ARL10: variants seen among roughly 807,000 people sequenced by gnomAD.
The protein encoded by ARL10 is ARF like GTPase 10.
A neutral mutation model predicts 26.1 loss-of-function variants in ARL10; 23 were observed. That is an observed-to-expected ratio of 0.88 (90% CI 0.63 to 1.25). The LOEUF is 1.25. Ranked by LOEUF, ARL10 falls within the 50% of genes most tolerant of loss-of-function variation. The pLI is 0.00. For missense variants in ARL10, 300 were observed against 323.6 expected (o/e 0.93, Z 0.56); for synonymous variants, 138 against 149.1 (o/e 0.93, Z 0.54).
downstream of ARL10, among the ~76,000 whole-genome samples, chr5:176,390,935 ATG>A (rs1561788408): frequency 1.3e-5 from 2 of 152,340 alleles, no homozygotes; most frequent in African/African-American, 4.8e-5. Flanking sequence ...TTCCTCCTTC[ATG>A]TAGTTTCAAA....
downstream of ARL10, chr5:176,384,814 G>A (rs1382120980): frequency 9.7e-6 from 4 of 410,818 alleles, no homozygotes; most frequent in East Asian, 8.1e-5. Flanking sequence ...GGCCAGGGAG[G>A]AGCTGGGGCC....
At chr5:176,371,417 G>C (rs1768537540) in intron 3 of ARL10, among the ~76,000 whole-genome samples, 1 of 152,176 alleles carries the variant, frequency 6.6e-6, no homozygotes, top group Admixed American at 6.5e-5. Flanking sequence ...AAAAGAGGTT[G>C]GTACAAAGGA....
rs1319274168 is a variant in ARL10, at chr5:176,393,884, T to C, written c.134-7857T>C. Among the ~76,000 whole-genome samples the C allele has an allele frequency of 6.6e-6, 1 of 152,154 alleles. No homozygotes were observed. The highest frequency in any genetic ancestry group is 1.5e-5 in the Non-Finnish European group (1 of 68,022). ...TGAGGAGAGCTGGGTCTATGTCCTG[T>C]TTGGCCAGCGAGGGTCGCTCACAAG... On this transcript the variant is annotated intron_variant, in intron 1 of 1. Transcript: ENST00000514533. This position sits in a 1 kb window ranked among gnomAD's most constrained non-coding sequence, Gnocchi z 4.4.
At chr5:176,369,161 C>T (rs1419482592) in intron 3 of ARL10, 179 bp downstream of exon 3, 1 of 1,534,240 alleles carries the variant, frequency 6.5e-7, no homozygotes, top group Non-Finnish European at 8.7e-7. Flanking sequence ...CTTTGCCTCC[C>T]TATCATCTCG....
the ARL10 span, among the ~76,000 whole-genome samples, chr5:176,412,613 C>T: frequency 6.6e-6 from 1 of 152,312 alleles, no homozygotes. Flanking sequence ...CTGTGAGCAG[C>T]GACAGTGTGT....
At position 176,371,810 on chromosome 5, in the gene ARL10, C is replaced by T; in HGVS notation, c.650C>T (p.Ala217Val). Residue 217 changes from alanine (A) to valine (V), a missense_variant, in exon 4 of 4, where the codon GCA (alanine) becomes GTA (valine). Physicochemically the swap from Ala to Val is moderately conservative, Grantham distance 64. Coordinates refer to ENST00000310389, the MANE Select transcript of ARL10 (RefSeq NM_173664.6). ...AACCAGCGGGAGGTTTTCCTCTTGG[C>T]AGCCAGCATTGCCCCTGCAGGACCC... is the stretch of plus-strand genomic sequence containing the variant. ...IDNQREVFLL[A>V]ASIAPAGPTF... The T allele has an allele frequency of 4.3e-6, 7 of 1,614,208 alleles. No individual in the cohort carries two copies. The highest frequency in any genetic ancestry group is 5.9e-6 in the Non-Finnish European group (7 of 1,180,038).
the ARL10 span, among the ~76,000 whole-genome samples, chr5:176,409,867 T>G: frequency 6.6e-6 from 1 of 152,202 alleles, no homozygotes; most frequent in Admixed American, 6.5e-5. Flanking sequence ...TTGGGAAAAT[T>G]CTGGAAGTGG....
In ARL10 at chr5:176,365,721, G is replaced by A; in HGVS notation, c.158G>A (p.Arg53His). Residue 53 changes from arginine to histidine, a missense_variant, in exon 1 of 4, where the codon CGC becomes CAC. Transcript: ENST00000310389. ...GCCTGGTGGGGCGCGGAGGCTGCCC[G>A]CCTCCCCGAGTGGGACGAGTGGGAC... Reference protein sequence around the residue: ...GEAWWGAEAARLPEWDEWDPE... With the variant: ...GEAWWGAEAAHLPEWDEWDPE... 8.1e-7 allele frequency: 1 copy of A among 1,238,328 alleles called. No homozygotes were observed. The highest frequency in any genetic ancestry group is 1.0e-6 in the Non-Finnish European group (1 of 989,778). The allele number at this position is 1,238,328 out of a possible 1,614,324, so 76.7% of individuals were successfully genotyped here.
chr5:176,394,625 T>G (rs13169024), intron 1 of ARL10, among the ~76,000 whole-genome samples: 2 of 150,702 alleles, frequency 1.3e-5, no homozygotes, highest in Admixed American at 6.6e-5. Flanking sequence ...GCATCCTGGC[T>G]AACACGGTGA....
downstream of ARL10, chr5:176,385,879 AC>A: frequency 6.5e-6 from 1 of 152,936 alleles, no homozygotes; most frequent in Non-Finnish European, 1.5e-5. Flanking sequence ...TTTAAAATAG[AC>A]AGGCAAATCC....
chr5:176,405,480 CCTGT>C (rs1757054871), downstream of ARL10: 1 of 143,002 alleles, frequency 7.0e-6, no homozygotes, highest in African/African-American at 2.6e-5. Flanking sequence ...AGAGCAAGAC[CCTGT>C]CTCTCAAAAA....
downstream of ARL10, chr5:176,389,011 AG>A: frequency 3.1e-6 from 5 of 1,610,732 alleles, no homozygotes; most frequent in Non-Finnish European, 4.2e-6. Context: ...AGGAGAGGAC[AG>A]TGATGTCGGA....
chr5:176,410,108 T>C, the ARL10 span: 1 of 666,276 alleles, frequency 1.5e-6, no homozygotes, highest in African/African-American at 1.8e-5. Context: ...CAAAAAAAAT[T>C]CCAAAAACCT....
At chr5:176,390,393 C>G (rs1193450536), downstream of ARL10, among the ~76,000 whole-genome samples, 2 of 152,024 alleles carry the variant, frequency 1.3e-5, no homozygotes, top group Non-Finnish European at 2.9e-5. Flanking sequence ...CACCCTGCTC[C>G]CACCTCCCTA....
At chr5:176,414,678 G>A in the ARL10 span, among the ~76,000 whole-genome samples, 1 of 152,186 alleles carries the variant, frequency 6.6e-6, no homozygotes, top group Admixed American at 6.5e-5. Context: ...GAAAGAGCAT[G>A]GAGCCCAGAG....
chr5:176,385,308 G>A, downstream of ARL10: 4 of 1,608,220 alleles, frequency 2.5e-6, no homozygotes, highest in Non-Finnish European at 2.6e-6. Flanking sequence ...TTTCTGGAAG[G>A]CTGGCTTCTG....
rs1247913938 is a variant in ARL10, at chr5:176,368,724, G to T, written c.386-83G>T. 5.6e-6 allele frequency: 8 copies of T among 1,431,796 alleles called. No homozygotes were observed. Among genetic ancestry groups the T allele is most frequent in the Non-Finnish European group, 7.4e-6 (8 of 1,088,006 alleles). 88.7% of individuals were successfully genotyped at this position (1,431,796 alleles called of 1,614,324 possible). A position where few individuals can be genotyped will look rare whatever the true frequency, so the allele number is the denominator to read the frequency against. On this transcript the variant is annotated intron_variant, in intron 2 of 3. Transcript: ENST00000310389. The surrounding 1 kb of genome is among the most constrained non-coding windows in gnomAD (Gnocchi z 4.1). ...GTGGGGTGGGGGCTGTGGGCAGTGAGCGGGGGCCCGGGGTGGGGTGGGGGC... is the reference window on the plus strand; with the variant it reads ...GTGGGGTGGGGGCTGTGGGCAGTGATCGGGGGCCCGGGGTGGGGTGGGGGC...
chr5:176,372,853 G>A lies in ARL10; in HGVS notation c.*958G>A, dbSNP rs1768587241. ...GTTCTAGGCTCTGTTTCTAGGTGCT[G>A]TTTTCAAAACCCCAGATGACAGTCA... On this transcript the variant is annotated 3_prime_UTR_variant, in exon 4 of 4. Coordinates refer to ENST00000310389, the MANE Select transcript of ARL10 (RefSeq NM_173664.6). 2.5e-6 allele frequency: 1 copy of A among 398,644 alleles called. No individual in the cohort carries two copies. The highest frequency in any genetic ancestry group is 4.4e-5 in the Admixed American group (1 of 22,722). The allele number at this position is 398,644 out of a possible 1,614,324, so 24.7% of individuals were successfully genotyped here. A position where few individuals can be genotyped will look rare whatever the true frequency, so the allele number is the denominator to read the frequency against.
chr5:176,392,991 C>A, downstream of ARL10: 2 of 1,609,038 alleles, frequency 1.2e-6, no homozygotes, highest in South Asian at 2.2e-5. The surrounding 1 kb of genome is among the most constrained non-coding windows in gnomAD (Gnocchi z 5.2). Context: ...CTGCTTTCCC[C>A]CAGCCTTGCC....
Sources: allele counts gnomAD v4.1 joint callset (sites outside exome capture counted in the v4.1 genomes callset), GRCh38; gene constraint gnomAD v4.1.1; non-coding constraint Gnocchi (gnomAD v3.1); transcripts MANE v1.5; gene names NCBI Gene and HGNC (gene_info 2026-07-23, HGNC 2026-07-21).